The following DMTF1 variants were observed in gnomAD, a reference collection of about 807,000 sequenced individuals.
DMTF1 encodes the protein cyclin D binding myb like transcription factor 1.
A neutral mutation model predicts 91.1 loss-of-function variants in DMTF1; 39 were observed. The ratio of observed to expected loss-of-function variants is 0.43; its 90% CI spans 0.33 to 0.56. The LOEUF is 0.56. DMTF1 is among the 20% of genes least tolerant of loss of function. The probability of loss-of-function intolerance (pLI) is 0.05; values close to 1 mark genes in which losing one functional copy is unlikely to be tolerated. For missense variants in DMTF1, 750 were observed against 914.5 expected, an observed-to-expected ratio of 0.82 and a Z score of 2.32; for synonymous variants, 338 against 309.5, an observed-to-expected ratio of 1.09 and a Z score of -0.97.
At chr7:87,174,868 T>C (rs1795901459) in intron 7 of DMTF1, among the ~76,000 whole-genome samples, 199 bp downstream of exon 7, 1 of 152,204 alleles carries the variant, frequency 6.6e-6, no homozygotes, top group Non-Finnish European at 1.5e-5. Flanking sequence ...CAGTTTAAAA[T>C]AGCTTTACTG....
intron 8 of DMTF1, among the ~76,000 whole-genome samples, chr7:87,180,060 C>T (rs1797007576): frequency 6.6e-6 from 1 of 152,090 alleles, no homozygotes; most frequent in Admixed American, 6.5e-5. Context: ...ATATAGCATT[C>T]CTAGGTCAGT....
chr7:87,161,173 A>G (rs1354708061), intron 1 of DMTF1, among the ~76,000 whole-genome samples: 2 of 152,138 alleles, frequency 1.3e-5, no homozygotes, highest in Non-Finnish European at 2.9e-5. Flanking sequence ...AGCTCAGACT[A>G]TAGGGGAAAA....
intron 17 of DMTF1, 48 bp downstream of exon 17, chr7:87,194,876 A>T: frequency 6.4e-7 from 1 of 1,556,252 alleles, no homozygotes; most frequent in Non-Finnish European, 8.8e-7. Context: ...TTTAGATGGA[A>T]AAAAACAGAC....
chr7:87,161,247 C>G (rs1320296051), intron 1 of DMTF1, among the ~76,000 whole-genome samples: 1 of 152,114 alleles, frequency 6.6e-6, no homozygotes, highest in Non-Finnish European at 1.5e-5. Flanking sequence ...CCTGTAATCC[C>G]AACACTTTGG....
At chr7:87,177,837 A>C (rs1295721821) in intron 7 of DMTF1, among the ~76,000 whole-genome samples, 1 of 152,090 alleles carries the variant, frequency 6.6e-6, no homozygotes, top group Non-Finnish European at 1.5e-5. Flanking sequence ...AGCTGCCACA[A>C]ATTTGTTTCT....
chr7:87,192,897 G>T (rs1254268166), intron 14 of DMTF1: 3 of 242,914 alleles, frequency 1.2e-5, no homozygotes, highest in Non-Finnish European at 2.4e-5. Flanking sequence ...TACAAAGAAA[G>T]AAAAAGAGGG....
chr7:87,185,264 C>G (rs188195988), intron 11 of DMTF1, among the ~76,000 whole-genome samples: 3 of 152,088 alleles, frequency 2.0e-5, no homozygotes, highest in African/African-American at 7.2e-5. Flanking sequence ...TACTCCCTAC[C>G]GAAAATCAAA....
chr7:87,193,161 T>C (rs796896430), intron 14 of DMTF1, 37 bp from the exon 15 acceptor site: 1 of 1,608,896 alleles, frequency 6.2e-7, no homozygotes, highest in Admixed American at 1.7e-5. Context: ...AAAAGTAGAC[T>C]TAATCATTGT....
chr7:87,182,352 A>G lies in DMTF1; in HGVS notation c.820+15A>G. ...TTGCAACACAGGTACTGTGACTACT[A>G]CTGGTAGCGTTTTCTTGTCACCACT... On this transcript the variant is annotated intron_variant, in intron 10 of 17. Transcript: ENST00000331242. 6.2e-7 allele frequency: 1 copy of G among 1,613,476 alleles called. No homozygotes were observed. The highest frequency in any genetic ancestry group is 8.5e-7 in the Non-Finnish European group (1 of 1,179,600).
chr7:87,168,996 A>G lies in DMTF1; in HGVS notation c.233-1999A>G, dbSNP rs1584282740. ...CCTACCTGCATCTATGTCCATCCATATATTTGTTGTCCTATCTTAGGCCTA... is the reference window on the plus strand; with the variant it reads ...CCTACCTGCATCTATGTCCATCCATGTATTTGTTGTCCTATCTTAGGCCTA... On this transcript the variant is annotated intron_variant, in intron 4 of 17. Coordinates refer to ENST00000331242, the MANE Select transcript of DMTF1 (RefSeq NM_001142327.2). Among the ~76,000 whole-genome samples the G allele has an allele frequency of 3.3e-5, 5 of 152,256 alleles. 1 individual carries two copies. The highest frequency in any genetic ancestry group is 3.3e-4 in the Admixed American group (5 of 15,290).
rs3747807 is a variant in DMTF1, at chr7:87,171,035, A to G, written c.273A>G (p.Ala91=). 1,371,063 of 1,610,518 alleles carry G rather than the reference A, an allele frequency of 0.85. 587,281 individuals are homozygous for G. Among genetic ancestry groups the G allele is most frequent in the Middle Eastern group, 0.92 (5,577 of 6,054 alleles). ...NDQSFEVTMT[A]TTEVADDEVT... ...AGAGCTTTGAAGTGACCATGACTGC[A>G]ACCACAGAAGTAGCAGATGATGAGG... Residue 91 remains alanine, a synonymous_variant, in exon 5 of 18, where the codon GCA becomes GCG. Transcript: ENST00000331242.
chr7:87,193,526 CTTTATG>C, intron 15 of DMTF1, 173 bp downstream of exon 15: 3 of 822,230 alleles, frequency 3.6e-6, no homozygotes, highest in Non-Finnish European at 5.7e-6. Flanking sequence ...CATCCCTTCT[CTTTATG>C]TAAGATGGCT....
chr7:87,170,081 C>T (rs533863542), intron 4 of DMTF1, among the ~76,000 whole-genome samples: 1 of 152,176 alleles, frequency 6.6e-6, no homozygotes, highest in Non-Finnish European at 1.5e-5. Flanking sequence ...TCTTCTCCTA[C>T]TAATTAGTAG....
chr7:87,156,939 A>G (rs1372233549), intron 1 of DMTF1, among the ~76,000 whole-genome samples: 1 of 152,160 alleles, frequency 6.6e-6, no homozygotes, highest in African/African-American at 2.4e-5. Context: ...CTATGTGCTC[A>G]TTCAAAATGT....
chr7:87,191,295 T>C (rs946877766), intron 14 of DMTF1, among the ~76,000 whole-genome samples: 3 of 152,152 alleles, frequency 2.0e-5, no homozygotes, highest in African/African-American at 7.2e-5. Flanking sequence ...AAAAAGTTCA[T>C]ATTGGTTATT....
intron 14 of DMTF1, among the ~76,000 whole-genome samples, chr7:87,192,043 G>A (rs1360599440): frequency 6.6e-6 from 1 of 152,026 alleles, no homozygotes; most frequent in Non-Finnish European, 1.5e-5. Flanking sequence ...GGATGTATAA[G>A]ACAACCATTT....
At chr7:87,185,601 A>G (rs1020044761) in intron 11 of DMTF1, among the ~76,000 whole-genome samples, 7 of 152,176 alleles carry the variant, frequency 4.6e-5, no homozygotes, top group Non-Finnish European at 8.8e-5. Flanking sequence ...AGTTTAGCCC[A>G]TTGGTTGTAC....
chr7:87,152,665 G>A (rs534779617), intron 1 of DMTF1, 110 bp downstream of exon 1: 1 of 153,126 alleles, frequency 6.5e-6, no homozygotes, highest in East Asian at 1.9e-4. Context: ...GGCGCAAGCT[G>A]TCGGCGCCGG....
At chr7:87,191,860 A>AT (rs1228000147) in intron 14 of DMTF1, among the ~76,000 whole-genome samples, 1 of 152,162 alleles carries the variant, frequency 6.6e-6, no homozygotes, top group Non-Finnish European at 1.5e-5. Flanking sequence ...GAAAATAAAA[A>AT]TTTTATTAAA....
Sources: allele counts gnomAD v4.1 joint callset (sites outside exome capture counted in the v4.1 genomes callset), GRCh38; gene constraint gnomAD v4.1.1; transcripts MANE v1.5; gene names NCBI Gene and HGNC (gene_info 2026-07-23, HGNC 2026-07-21).